The following BTG4 variants were observed in gnomAD, a reference collection of about 807,000 sequenced individuals.
The protein encoded by BTG4 is BTG anti-proliferation factor 4.
Under a neutral mutation model 19.3 loss-of-function variants are expected in BTG4, and 10 were observed. The ratio of observed to expected loss-of-function variants is 0.52; its 90% CI spans 0.32 to 0.88. The LOEUF is 0.88. Ranked by LOEUF, BTG4 falls within the 40% of genes least tolerant of loss-of-function variation. BTG4 has a pLI of 0.04. For synonymous variants in BTG4, 91 were observed against 95.7 expected (o/e 0.95, Z 0.29); for missense variants, 238 against 281.9 (o/e 0.84, Z 1.11).
At chr11:111,413,706 C>T in the BTG4 span, among the ~76,000 whole-genome samples, 2,223 of 152,316 alleles carry the variant, frequency 0.015, 65 homozygotes, top group African/African-American at 0.051. Flanking sequence ...CTGCTGGCAT[C>T]ATTCTGAAGG....
the BTG4 span, among the ~76,000 whole-genome samples, chr11:111,411,593 T>A: frequency 6.6e-6 from 1 of 152,304 alleles, no homozygotes; most frequent in East Asian, 1.9e-4. Context: ...TGTCTCAAAT[T>A]GTAATGTGCA....
At chr11:111,422,934 T>C in the BTG4 span, among the ~76,000 whole-genome samples, 1 of 152,184 alleles carries the variant, frequency 6.6e-6, no homozygotes, top group African/African-American at 2.4e-5. Flanking sequence ...GCTGCACACC[T>C]CTCTGTTTTC....
At chr11:111,387,328 G>A in the BTG4 span, among the ~76,000 whole-genome samples, 1 of 152,178 alleles carries the variant, frequency 6.6e-6, no homozygotes, top group African/African-American at 2.4e-5. Context: ...TTGACAGCTG[G>A]ATGGCAGGTT....
chr11:111,406,442 A>T, the BTG4 span, among the ~76,000 whole-genome samples: 2 of 152,214 alleles, frequency 1.3e-5, no homozygotes, highest in African/African-American at 2.4e-5. Context: ...AGCTGAGTTC[A>T]TGCTTGTGCC....
At position 111,478,148 on chromosome 11, in the gene BTG4, G is replaced by A. The variant is rs145613127; in HGVS notation, c.663-10467C>T. ...CCACCTCCCTGCTGTAGTGGAATCA[G>A]AGGAGGACAAGTAGAGAGTTAGGGC... On this transcript the variant is annotated intron_variant, in intron 5 of 5. Coordinates refer to the BTG4 transcript ENST00000356018. 1.3e-4 allele frequency among the ~76,000 whole-genome samples: 20 copies of A among 152,258 alleles called. 1 individual carries two copies. The highest frequency in any genetic ancestry group is 4.8e-4 in the African/African-American group (20 of 41,560).
chr11:111,404,853 T>G, the BTG4 span: 1 of 344,778 alleles, frequency 2.9e-6, no homozygotes, highest in East Asian at 7.4e-5. Context: ...ATTGTCAATA[T>G]TGAACAATTT....
the BTG4 span, among the ~76,000 whole-genome samples, chr11:111,387,541 G>C: frequency 2.0e-5 from 3 of 152,202 alleles, no homozygotes; most frequent in Non-Finnish European, 4.4e-5. Flanking sequence ...TCCACAGCAG[G>C]CTGGAAGGTG....
the BTG4 span, among the ~76,000 whole-genome samples, chr11:111,425,920 A>G: frequency 6.6e-6 from 1 of 152,060 alleles, no homozygotes; most frequent in Non-Finnish European, 1.5e-5. Flanking sequence ...AGTCCCAGCT[A>G]CTCGGGAGGC....
At chr11:111,384,707 T>C in the BTG4 span, 4 of 152,180 alleles carry the variant, frequency 2.6e-5, no homozygotes, top group Non-Finnish European at 2.9e-5. Context: ...CTCAGGAGGA[T>C]GTTGCAAGAA....
chr11:111,419,200 G>C, the BTG4 span, among the ~76,000 whole-genome samples: 4 of 152,332 alleles, frequency 2.6e-5, no homozygotes, highest in East Asian at 7.7e-4. Context: ...AAACTTGGAG[G>C]AGAAGAAGGA....
the BTG4 span, among the ~76,000 whole-genome samples, chr11:111,415,517 G>A: frequency 6.6e-6 from 1 of 152,234 alleles, no homozygotes; most frequent in Non-Finnish European, 1.5e-5. Flanking sequence ...GAGAAAGAGA[G>A]ACACTGAGGT....
At chr11:111,409,989 G>C in the BTG4 span, among the ~76,000 whole-genome samples, 1 of 152,178 alleles carries the variant, frequency 6.6e-6, no homozygotes, top group Non-Finnish European at 1.5e-5. Flanking sequence ...CCTGCTTTAG[G>C]TGCACGGAAA....
At chr11:111,488,173 T>C (rs893897781) in intron 5 of BTG4, among the ~76,000 whole-genome samples, 9 of 152,090 alleles carry the variant, frequency 5.9e-5, no homozygotes, top group Admixed American at 2.0e-4. Flanking sequence ...AGAGCAAAAC[T>C]GAAGGAATTA....
At chr11:111,448,281 G>T in the BTG4 span, among the ~76,000 whole-genome samples, 1 of 152,208 alleles carries the variant, frequency 6.6e-6, no homozygotes, top group Admixed American at 6.5e-5. Flanking sequence ...AGCTCTGGGG[G>T]AAGATGCTGG....
In BTG4 at chr11:111,497,362, C is replaced by T. The variant is rs879105038; in HGVS notation, c.359G>A (p.Arg120Lys). ...TTGATATAGTTCCCATTCCTCCCAT[C>T]TGCCTTTAAAAGAAGCAACTGTAAA... ...HPFTVASFKG[R>K]WEEWELYQQI... Residue 120 changes from arginine to lysine, a missense_variant, in exon 4 of 5, where the codon AGA becomes AAA. Physicochemically the swap from Arg to Lys is conservative, Grantham distance 26. Transcript: ENST00000692032. 7.0e-7 allele frequency: 1 copy of T among 1,430,724 alleles called. No homozygotes were observed. The highest frequency in any genetic ancestry group is 9.2e-7 in the Non-Finnish European group (1 of 1,088,448). 88.6% of individuals were successfully genotyped at this position (1,430,724 alleles called of 1,614,324 possible).
At chr11:111,465,395 G>GA (rs1440989345), downstream of BTG4, among the ~76,000 whole-genome samples, 6 of 152,162 alleles carry the variant, frequency 3.9e-5, no homozygotes, top group East Asian at 3.9e-4. Flanking sequence ...AATGATTAGA[G>GA]AAAAAATGAC....
chr11:111,429,412 G>A, the BTG4 span, among the ~76,000 whole-genome samples: 21 of 152,152 alleles, frequency 1.4e-4, no homozygotes, highest in Admixed American at 1.2e-3. Context: ...CCTGCTCAAG[G>A]TCACGTAGCA....
Position 111,498,635 on chromosome 11 carries a change from A to T in BTG4, c.142T>A (p.Ser48Thr), listed in dbSNP as rs1865881443. 6.2e-7 allele frequency: 1 copy of T among 1,613,522 alleles called. No homozygotes were observed. The highest frequency in any genetic ancestry group is 1.7e-5 in the Admixed American group (1 of 59,878). Residue 48 changes from serine (S) to threonine (T), a missense_variant, in exon 2 of 5, where the codon TCT becomes ACT. Physicochemically the swap from Ser to Thr is moderately conservative, Grantham distance 58. Coordinates refer to ENST00000692032, the MANE Select transcript of BTG4 (RefSeq NM_001367975.1). The part of the protein sequence containing the change: ...LFETYRSHWH[S>T]DCPSKGQAFR... Reference sequence around the variant, plus strand: ...GCTTGCCCTTTAGAAGGGCAATCAGAGTGCCAGTGACTTCTGTATGTTTCA... The same window carrying T: ...GCTTGCCCTTTAGAAGGGCAATCAGTGTGCCAGTGACTTCTGTATGTTTCA...
chr11:111,420,191 A>G, the BTG4 span, among the ~76,000 whole-genome samples: 9 of 152,346 alleles, frequency 5.9e-5, no homozygotes, highest in East Asian at 1.7e-3. Flanking sequence ...AAAGTCCTGG[A>G]GGACTTGCAG....
Sources: allele counts gnomAD v4.1 joint callset (sites outside exome capture counted in the v4.1 genomes callset), GRCh38; gene constraint gnomAD v4.1.1; transcripts MANE v1.5; gene names NCBI Gene and HGNC (gene_info 2026-07-23, HGNC 2026-07-21).